Variants in ZNF808 observed in about 807,000 individuals in gnomAD.
ZNF808 encodes the protein zinc finger protein 808.
A neutral mutation model predicts 8.7 loss-of-function variants in ZNF808; 5 were observed. That is an observed-to-expected ratio of 0.58 (90% CI 0.30 to 1.21). The LOEUF is 1.21. Ranked by LOEUF, ZNF808 falls within the 50% of genes most tolerant of loss-of-function variation. The pLI is 0.07. For synonymous variants in ZNF808, 380 were observed against 366.0 expected (o/e 1.04, Z -0.44); for missense variants, 1,103 against 1,098.4 (o/e 1.00, Z -0.06).
At position 52,539,184 on chromosome 19, in the gene ZNF808, ATTTTTTTTT is replaced by A. The variant is rs3049209; in HGVS notation, c.-19-4070_-19-4062del. On this transcript the variant is annotated intron_variant, in intron 2 of 4. Coordinates refer to ENST00000359798, the MANE Select transcript of ZNF808 (RefSeq NM_001039886.4). ...CTTTTTTCTAGTTCCTCTTCATTTCATTTTTTTTTTTTTTTTTTTTAATTTTTGAGATGG... is the reference window on the plus strand; with the variant it reads ...CTTTTTTCTAGTTCCTCTTCATTTCATTTTTTTTTTTAATTTTTGAGATGG... Among the ~76,000 whole-genome samples the A allele has an allele frequency of 3.4e-5, 4 of 117,742 alleles. No individual in the cohort carries two copies. In the South Asian group the frequency reaches 1.1e-3, roughly 32 times the overall value. 77.2% of individuals were successfully genotyped at this position (117,742 alleles called of 152,430 possible).
At chr19:52,529,995 G>A (rs978153832) in intron 1 of ZNF808, among the ~76,000 whole-genome samples, 8 of 151,264 alleles carry the variant, frequency 5.3e-5, no homozygotes, top group African/African-American at 1.9e-4. Context: ...CTCCTGCCTT[G>A]GCCTCCCAAA....
chr19:52,528,681 G>C (rs1195325570), intron 1 of ZNF808, among the ~76,000 whole-genome samples: 2 of 152,028 alleles, frequency 1.3e-5, no homozygotes, highest in Non-Finnish European at 2.9e-5. Context: ...GAGCAGAGTG[G>C]TGCTGGTGTC....
intron 2 of ZNF808, among the ~76,000 whole-genome samples, chr19:52,534,968 A>C (rs1055512429): frequency 2.6e-5 from 4 of 152,052 alleles, no homozygotes; most frequent in African/African-American, 7.2e-5. Flanking sequence ...AACTAACTGG[A>C]TATTTACATG....
rs2059802773 is a variant in ZNF808, at chr19:52,553,789, G to C, written c.873G>C (p.Glu291Asp). Residue 291 changes from glutamate to aspartate, a missense_variant, in exon 5 of 5, where the codon GAG (glutamate) becomes GAC (aspartate). Glu to Asp is a conservative substitution (Grantham distance 45). Transcript: ENST00000359798. ...GAGAGAAACCTTACAAGTGTAAAGA[G>C]TGTGGAAAGTCCTTCAGTTACAAGT... ...HTGEKPYKCK[E>D]CGKSFSYKSS... 2 of 1,614,032 alleles carry C rather than the reference G, an allele frequency of 1.2e-6. No individual in the cohort carries two copies. The highest frequency in any genetic ancestry group is 1.7e-4 in the Middle Eastern group (1 of 6,058).
chr19:52,554,554 G>C lies in ZNF808; in HGVS notation c.1638G>C (p.Lys546Asn). Residue 546 changes from lysine to asparagine, a missense_variant, in exon 5 of 5, where the codon AAG becomes AAC. Lys to Asn is a moderately conservative substitution (Grantham distance 94, BLOSUM62 0). Coordinates refer to ENST00000359798, the MANE Select transcript of ZNF808 (RefSeq NM_001039886.4). The stretch of plus-strand genomic sequence containing the variant: ...CTTACAAATGTACGGTTTGTAACAA[G>C]GTTTTCATGCGTAATTCAGTCCTGG... Reference protein sequence around the residue: ...EKSYKCTVCNKVFMRNSVLAV... With the variant: ...EKSYKCTVCNNVFMRNSVLAV... The C allele has an allele frequency of 6.2e-7, 1 of 1,613,868 alleles. No individual in the cohort carries two copies. The highest frequency in any genetic ancestry group is 8.5e-7 in the Non-Finnish European group (1 of 1,179,896).
chr19:52,561,160 C>CTT (rs1475104550), downstream of ZNF808, among the ~76,000 whole-genome samples: 967 of 28,908 alleles, frequency 0.033, 30 homozygotes, highest in East Asian at 0.07. Context: ...TCTATCTGTT[C>CTT]TCTCTCTCTC....
chr19:52,543,427 G>A (rs1352269993), intron 3 of ZNF808, 80 bp downstream of exon 3: 1 of 1,532,724 alleles, frequency 6.5e-7, no homozygotes, highest in Admixed American at 1.9e-5. Context: ...TTGTAGTAAT[G>A]TATTGTAGCA....
intron 4 of ZNF808, among the ~76,000 whole-genome samples, chr19:52,548,082 C>T (rs2059740970): frequency 6.6e-6 from 1 of 152,104 alleles, no homozygotes; most frequent in Admixed American, 6.6e-5. Context: ...CTCTCACTGG[C>T]ACTGTGACAA....
chr19:52,536,876 G>A (rs1172888837), intron 2 of ZNF808, among the ~76,000 whole-genome samples: 1 of 152,082 alleles, frequency 6.6e-6, no homozygotes, highest in Non-Finnish European at 1.5e-5. Flanking sequence ...AAAAGATTGG[G>A]GAGAAGGAGC....
chr19:52,542,476 C>G (rs2059680803), intron 2 of ZNF808, among the ~76,000 whole-genome samples: 2 of 134,982 alleles, frequency 1.5e-5, no homozygotes, highest in African/African-American at 6.0e-5. Context: ...AAGTGACAAG[C>G]AGCCTTTCTT....
chr19:52,564,616 T>G (rs553775648), downstream of ZNF808, among the ~76,000 whole-genome samples: 16 of 151,974 alleles, frequency 1.1e-4, no homozygotes, highest in East Asian at 2.5e-3. Context: ...ACCCAGTTCA[T>G]GAAAGACCCT....
chr19:52,564,043 C>T (rs781119455), exon 4 of ZNF808: 21 of 581,730 alleles, frequency 3.6e-5, no homozygotes, highest in Non-Finnish European at 5.6e-5. Context: ...CTTTGTCTGC[C>T]ATCATGGTGT....
At chr19:52,556,799 A>C (rs1187221009), downstream of ZNF808, 1 of 152,026 alleles carries the variant, frequency 6.6e-6, no homozygotes, top group Non-Finnish European at 1.5e-5. Flanking sequence ...TATTTTAACC[A>C]GTTAGTCTGG....
At chr19:52,535,910 T>G (rs2059605127) in intron 2 of ZNF808, 1 of 151,696 alleles carries the variant, frequency 6.6e-6, no homozygotes, top group Non-Finnish European at 1.5e-5. Context: ...AAGGGCAAGG[T>G]CTCTCTGCCT....
At chr19:52,558,090 T>TC (rs1248416767), downstream of ZNF808, among the ~76,000 whole-genome samples, 60 of 145,994 alleles carry the variant, frequency 4.1e-4, no homozygotes, top group African/African-American at 7.2e-4. Flanking sequence ...TTTCTTTCTT[T>TC]TTTTTTTTTT....
chr19:52,553,708 T>C lies in ZNF808; in HGVS notation c.792T>C (p.Cys264=). The C allele has an allele frequency of 6.2e-7, 1 of 1,614,158 alleles. No homozygotes were observed. The highest frequency in any genetic ancestry group is 8.5e-7 in the Non-Finnish European group (1 of 1,180,002). ...LGDKQYKCDV[C]GKLFNHKQYL... ...ACAAACAATATAAATGTGATGTATG[T>C]GGCAAGCTCTTTAATCACAAGCAAT... Residue 264 remains cysteine, a synonymous_variant, in exon 5 of 5, where the codon TGT becomes TGC. Coordinates refer to ENST00000359798, the MANE Select transcript of ZNF808 (RefSeq NM_001039886.4).
At position 52,543,350 on chromosome 19, in the gene ZNF808, G is replaced by A; in HGVS notation, c.63+3G>A. ...AGTCAGGCATGGCTCTTCCTCAGGT[G>A]AAGTGATATTCCTCTGTGGATTAAT... is the stretch of plus-strand genomic sequence containing the variant. On this transcript the variant is annotated splice_donor_region_variant and intron_variant, in intron 3 of 4. Transcript: ENST00000359798. 1.2e-6 allele frequency: 2 copies of A among 1,612,704 alleles called. No individual in the cohort carries two copies. The highest frequency in any genetic ancestry group is 1.7e-6 in the Non-Finnish European group (2 of 1,179,728).
At chr19:52,552,605 CAGTG>C (rs2059788183) in intron 4 of ZNF808, among the ~76,000 whole-genome samples, 1 of 151,354 alleles carries the variant, frequency 6.6e-6, no homozygotes, top group South Asian at 2.1e-4. Context: ...CTTATCTTCT[CAGTG>C]CTATAATTGT....
chr19:52,558,517 G>T (rs1367017149), downstream of ZNF808, among the ~76,000 whole-genome samples: 2 of 151,910 alleles, frequency 1.3e-5, no homozygotes, highest in Non-Finnish European at 2.9e-5. Context: ...GACTATAGGC[G>T]TGTGCCACCA....
Sources: allele counts gnomAD v4.1 joint callset (sites outside exome capture counted in the v4.1 genomes callset), GRCh38; gene constraint gnomAD v4.1.1; transcripts MANE v1.5; gene names NCBI Gene and HGNC (gene_info 2026-07-23, HGNC 2026-07-21).